The following BCAS3 variants were observed in gnomAD, a reference collection of about 807,000 sequenced individuals.
BCAS3 encodes the protein BCAS4/BCAS3 fusion.
In BCAS3, 53 loss-of-function variants were observed where a neutral mutation model predicts 116.1. The ratio of observed to expected loss-of-function variants is 0.46; its 90% CI spans 0.37 to 0.57. The LOEUF (loss-of-function observed/expected upper bound fraction) is 0.57, where lower values mean the gene tolerates loss of function less well. Among genes scored for constraint, BCAS3 ranks in the 20% least tolerant of loss-of-function variants. The pLI, the probability that BCAS3 is intolerant of heterozygous loss-of-function variation, is 0.00. For missense variants in BCAS3, 917 were observed against 1,165.4 expected, an observed-to-expected ratio of 0.79 and a Z score of 3.10; for synonymous variants, 391 against 408.2, an observed-to-expected ratio of 0.96 and a Z score of 0.51.
chr17:61,339,764 TA>T lies in BCAS3; in HGVS notation c.2426-28547del, dbSNP rs773351461. On this transcript the variant is annotated intron_variant, in intron 22 of 23. Coordinates refer to ENST00000407086, the MANE Select transcript of BCAS3 (RefSeq NM_017679.5). The surrounding 1 kb of genome is among the most constrained non-coding windows in gnomAD (Gnocchi z 4.4). The stretch of plus-strand genomic sequence containing the variant: ...CGGGGCGACAAAGCGAGACCCCATC[TA>T]AAAAAAAAAAAAAAAGACCAAGGAG... Among the ~76,000 whole-genome samples the T allele has an allele frequency of 0.01, 1,168 of 115,360 alleles. 8 individuals are homozygous for T. Among genetic ancestry groups the T allele is most frequent in the Middle Eastern group, 0.018 (4 of 220 alleles). The allele number at this position is 115,360 out of a possible 152,430, so 75.7% of individuals were successfully genotyped here.
chr17:61,343,507 T>G lies in BCAS3; in HGVS notation c.2426-24820T>G, dbSNP rs545915753. On this transcript the variant is annotated intron_variant, in intron 22 of 23. Coordinates refer to ENST00000407086, the MANE Select transcript of BCAS3 (RefSeq NM_017679.5). This position sits in a 1 kb window ranked among gnomAD's most constrained non-coding sequence, Gnocchi z 5.5. ...CCCCAAACTTTTGCCCCAGAAGTTC[T>G]GACTCTAGTCTGGAGTGGGCCTTGT... is the stretch of plus-strand genomic sequence containing the variant. Among the ~76,000 whole-genome samples the G allele has an allele frequency of 6.6e-6, 1 of 152,358 alleles. No individual in the cohort carries two copies. Among genetic ancestry groups the G allele is most frequent in the Admixed American group, 6.5e-5 (1 of 15,310 alleles).
chr17:61,014,467 G>A (rs995148805), intron 15 of BCAS3, among the ~76,000 whole-genome samples: 4 of 152,006 alleles, frequency 2.6e-5, no homozygotes, highest in Non-Finnish European at 5.9e-5. Flanking sequence ...GGCAATTAAA[G>A]GAGAAAGGAT....
intron 22 of BCAS3, among the ~76,000 whole-genome samples, chr17:61,177,667 T>C (rs1305764019): frequency 6.6e-6 from 1 of 152,230 alleles, no homozygotes; most frequent in Non-Finnish European, 1.5e-5. Flanking sequence ...ATGTTAAAAC[T>C]TGTAAATGGT....
intron 7 of BCAS3, among the ~76,000 whole-genome samples, chr17:60,825,310 T>G (rs1173489551): frequency 6.6e-6 from 1 of 151,744 alleles, no homozygotes; most frequent in East Asian, 1.9e-4. Context: ...CATATCTTAG[T>G]AATATACATT....
chr17:61,193,586 C>T (rs143943745), intron 22 of BCAS3, among the ~76,000 whole-genome samples: 16 of 151,192 alleles, frequency 1.1e-4, no homozygotes, highest in Admixed American at 3.9e-4. Flanking sequence ...GAAGAAACTC[C>T]GTCTCTACTA....
intron 7 of BCAS3, chr17:60,851,331 C>T (rs1445418948): frequency 5.9e-6 from 2 of 341,610 alleles, no homozygotes; most frequent in Non-Finnish European, 1.2e-5. Flanking sequence ...CAAAGGCTCT[C>T]GGCATGCTGC....
chr17:60,856,025 C>T (rs994782218), intron 7 of BCAS3, among the ~76,000 whole-genome samples: 4 of 152,104 alleles, frequency 2.6e-5, no homozygotes, highest in African/African-American at 7.2e-5. Context: ...TCTATATAAT[C>T]TCTTTCATGA....
Position 61,188,387 on chromosome 17 carries a change from C to T in BCAS3, c.2425+103823C>T, listed in dbSNP as rs899164857. 2.6e-5 allele frequency among the ~76,000 whole-genome samples: 4 copies of T among 152,152 alleles called. No homozygotes were observed. Among genetic ancestry groups the T allele is most frequent in the African/African-American group, 9.7e-5 (4 of 41,410 alleles). On this transcript the variant is annotated intron_variant, in intron 22 of 23. Coordinates refer to ENST00000407086, the MANE Select transcript of BCAS3 (RefSeq NM_017679.5). The surrounding 1 kb of genome is among the most constrained non-coding windows in gnomAD (Gnocchi z 4.0). Reference sequence around the variant, plus strand: ...GCTTGTATAATAAGAAGTGTGTTCTCCATGGAATTTTTCAACAAGAGAGTT... The same window carrying T: ...GCTTGTATAATAAGAAGTGTGTTCTTCATGGAATTTTTCAACAAGAGAGTT...
rs919401020 is a variant in BCAS3, at chr17:61,106,043, G to A, written c.2425+21479G>A. ...CCTTTGGTCACTTGGCAGCCGTCTTGGTTGCAGTATTACAGTGCTTGTATT... is the reference window on the plus strand; with the variant it reads ...CCTTTGGTCACTTGGCAGCCGTCTTAGTTGCAGTATTACAGTGCTTGTATT... On this transcript the variant is annotated intron_variant, in intron 22 of 23. Coordinates refer to ENST00000407086, the MANE Select transcript of BCAS3 (RefSeq NM_017679.5). The surrounding 1 kb of genome is among the most constrained non-coding windows in gnomAD (Gnocchi z 4.2). Among the ~76,000 whole-genome samples the A allele has an allele frequency of 6.6e-6, 1 of 152,076 alleles. No homozygotes were observed. Among genetic ancestry groups the A allele is most frequent in the Non-Finnish European group, 1.5e-5 (1 of 68,010 alleles).
In BCAS3 at chr17:60,994,652, C is replaced by G. The variant is rs1228932559; in HGVS notation, c.1486+4417C>G. On this transcript the variant is annotated intron_variant, in intron 15 of 23. Coordinates refer to ENST00000407086, the MANE Select transcript of BCAS3 (RefSeq NM_017679.5). The surrounding 1 kb of genome is among the most constrained non-coding windows in gnomAD (Gnocchi z 4.4). ...TTTCCAGCTTCTTGTCTAACCATAC[C>G]TAGATTTCTGTACCCTTCCCTGAAT... 5.3e-5 allele frequency among the ~76,000 whole-genome samples: 8 copies of G among 152,152 alleles called. No homozygotes were observed. Among genetic ancestry groups the G allele is most frequent in the Non-Finnish European group, 1.2e-4 (8 of 68,016 alleles).
chr17:60,980,485 C>A (rs1291668365), intron 14 of BCAS3: 5 of 149,622 alleles, frequency 3.3e-5, no homozygotes, highest in African/African-American at 1.2e-4. Context: ...TTTGCAAATA[C>A]TTTCCCTCAT....
chr17:61,287,959 G>GAT (rs2052001928), intron 22 of BCAS3, among the ~76,000 whole-genome samples: 1 of 152,202 alleles, frequency 6.6e-6, no homozygotes, highest in Non-Finnish European at 1.5e-5. Context: ...AGGTTGCAGG[G>GAT]ATTAAGTAAC....
chr17:61,053,608 T>C (rs1010303608), intron 19 of BCAS3, among the ~76,000 whole-genome samples: 3 of 152,264 alleles, frequency 2.0e-5, no homozygotes, highest in African/African-American at 7.2e-5. Context: ...ATTGCATTGC[T>C]GTTGTGGTAT....
intron 13 of BCAS3, among the ~76,000 whole-genome samples, chr17:60,945,432 G>C (rs976647225): frequency 1.3e-5 from 2 of 152,184 alleles, no homozygotes; most frequent in African/African-American, 4.8e-5. Context: ...GATTTTCTGT[G>C]AAGTTACAGT....
At chr17:60,705,803 C>T (rs375109831) in intron 4 of BCAS3, among the ~76,000 whole-genome samples, 1 of 152,258 alleles carries the variant, frequency 6.6e-6, no homozygotes, top group Admixed American at 6.5e-5. Context: ...AGACATAGAT[C>T]TTTCTATAAT....
rs1315806091 is a variant in BCAS3 at position 61,239,509 on chromosome 17, C to G, written c.2426-128818C>G. On this transcript the variant is annotated intron_variant, in intron 22 of 23. Coordinates refer to ENST00000407086, the MANE Select transcript of BCAS3 (RefSeq NM_017679.5). This position sits in a 1 kb window ranked among gnomAD's most constrained non-coding sequence, Gnocchi z 4.2. ...AAATTTGGTCTAGTGATGAGTAATT[C>G]TTTCTTTCTGACGTTAATCATTTGC... Among the ~76,000 whole-genome samples the G allele has an allele frequency of 6.6e-6, 1 of 152,122 alleles. No individual in the cohort carries two copies. The highest frequency in any genetic ancestry group is 1.5e-5 in the Non-Finnish European group (1 of 68,018).
intron 23 of BCAS3, among the ~76,000 whole-genome samples, chr17:61,369,613 G>A (rs1008696800): frequency 2.6e-5 from 4 of 152,180 alleles, no homozygotes; most frequent in East Asian, 1.9e-4. Flanking sequence ...CGGTCCCTCC[G>A]TTCCTTCACT....
Position 61,128,430 on chromosome 17 carries a change from T to G in BCAS3, c.2425+43866T>G. 1.0e-6 allele frequency: 1 copy of G among 985,408 alleles called. No homozygotes were observed. Among genetic ancestry groups the G allele is most frequent in the Non-Finnish European group, 1.2e-6 (1 of 829,926 alleles). 61.0% of individuals were successfully genotyped at this position (985,408 alleles called of 1,614,324 possible). On this transcript the variant is annotated intron_variant, in intron 22 of 23. Coordinates refer to ENST00000407086, the MANE Select transcript of BCAS3 (RefSeq NM_017679.5). The surrounding 1 kb of genome is among the most constrained non-coding windows in gnomAD (Gnocchi z 4.1). ...TACATTCAGACAAATCACCCTGCAGTTATTGCTCAACAGAGTAATAATAAT... is the reference window on the plus strand; with the variant it reads ...TACATTCAGACAAATCACCCTGCAGGTATTGCTCAACAGAGTAATAATAAT...
intron 6 of BCAS3, among the ~76,000 whole-genome samples, chr17:60,763,620 G>T (rs1378381524): frequency 1.3e-5 from 2 of 150,306 alleles, no homozygotes. Flanking sequence ...GAGGATTTTC[G>T]CATCGATGTT....
Sources: gnomAD v4.1 joint callset for allele counts (sites outside exome capture counted in the v4.1 genomes callset) on GRCh38, gnomAD v4.1.1 for gene constraint, Gnocchi (gnomAD v3.1) non-coding constraint, MANE v1.5 for transcripts, NCBI Gene and HGNC (gene_info 2026-07-23, HGNC 2026-07-21) for gene names.